The following PSD3 variants were observed in gnomAD, a reference collection of about 807,000 sequenced individuals.
PSD3 encodes the protein pleckstrin and Sec7 domain containing 3.
Under a neutral mutation model 105.5 loss-of-function variants are expected in PSD3, and 49 were observed. The ratio of observed to expected loss-of-function variants is 0.46; its 90% CI spans 0.37 to 0.59. The LOEUF is 0.59. PSD3 is among the 20% of genes least tolerant of loss of function. The pLI, the probability that PSD3 is intolerant of heterozygous loss-of-function variation, is 0.00. For synonymous variants in PSD3, 557 were observed against 457.8 expected, an observed-to-expected ratio of 1.22 and a Z score of -2.77; for missense variants, 1,561 against 1,263.8, an observed-to-expected ratio of 1.24 and a Z score of -3.57.
chr8:19,074,286 G>C (rs4921986), intron 1 of PSD3, among the ~76,000 whole-genome samples: 112,357 of 151,858 alleles, frequency 0.74, 44,030 homozygotes, highest in East Asian at 0.86. Flanking sequence ...ACGTCTTGCA[G>C]GGTGGCCTTA....
At chr8:19,075,355 G>C (rs1422562231) in intron 1 of PSD3, among the ~76,000 whole-genome samples, 1 of 152,160 alleles carries the variant, frequency 6.6e-6, no homozygotes. Flanking sequence ...CTCCCACCTT[G>C]GCCTCCCAAA....
At chr8:18,800,024 T>C (rs760189393) in intron 7 of PSD3, among the ~76,000 whole-genome samples, 20 of 152,212 alleles carry the variant, frequency 1.3e-4, no homozygotes, top group Non-Finnish European at 1.6e-4. Flanking sequence ...TGTCTCTAAA[T>C]AGACACTACC....
intron 1 of PSD3, among the ~76,000 whole-genome samples, chr8:18,997,407 C>T (rs191038079): frequency 3.2e-4 from 48 of 151,958 alleles, no homozygotes; most frequent in South Asian, 1.7e-3. Context: ...CAAAACATAC[C>T]ATGGTGGTCC....
At chr8:19,035,294 G>A (rs1827903310) in intron 1 of PSD3, among the ~76,000 whole-genome samples, 2 of 152,056 alleles carry the variant, frequency 1.3e-5, no homozygotes, top group Admixed American at 1.3e-4. Context: ...AACCATTTCT[G>A]TGTATCTCTA....
At chr8:18,558,839 A>C (rs1052779015) in intron 14 of PSD3, among the ~76,000 whole-genome samples, 2 of 152,042 alleles carry the variant, frequency 1.3e-5, no homozygotes, top group African/African-American at 2.4e-5. Context: ...AAAACAAAAC[A>C]AAACCAGAAG....
intron 1 of PSD3, among the ~76,000 whole-genome samples, chr8:18,960,992 G>A (rs1204462746): frequency 6.6e-6 from 1 of 152,022 alleles, no homozygotes; most frequent in African/African-American, 2.4e-5. Flanking sequence ...AGGCTGAGGT[G>A]GGAGGATCTA....
intron 9 of PSD3, among the ~76,000 whole-genome samples, chr8:18,715,538 G>C (rs981595674): frequency 6.6e-6 from 1 of 152,068 alleles, no homozygotes; most frequent in African/African-American, 2.4e-5. Context: ...TTTTAAAATG[G>C]AATGTTTTTC....
chr8:18,552,572 C>T (rs568627076), intron 15 of PSD3, among the ~76,000 whole-genome samples: 11 of 152,138 alleles, frequency 7.2e-5, no homozygotes, highest in Admixed American at 3.3e-4. Flanking sequence ...CACAAAACAT[C>T]GATCTGCCCC....
At chr8:18,552,127 C>T (rs1205450531) in intron 15 of PSD3, among the ~76,000 whole-genome samples, 2 of 152,156 alleles carry the variant, frequency 1.3e-5, no homozygotes, top group African/African-American at 4.8e-5. Context: ...ATTGGCATTG[C>T]GTCGGCTGGT....
At chr8:19,047,638 G>T (rs1828370496) in intron 1 of PSD3, among the ~76,000 whole-genome samples, 1 of 152,110 alleles carries the variant, frequency 6.6e-6, no homozygotes, top group Admixed American at 6.6e-5. Flanking sequence ...CAGGGACCAG[G>T]TTTCTCTGTT....
intron 9 of PSD3, among the ~76,000 whole-genome samples, chr8:18,698,900 T>C (rs551737363): frequency 1.3e-5 from 2 of 152,224 alleles, no homozygotes; most frequent in Non-Finnish European, 2.9e-5. Flanking sequence ...CTAGAAAATA[T>C]GTAGAAACAC....
chr8:18,674,909 G>A (rs922361360), intron 9 of PSD3, among the ~76,000 whole-genome samples: 1 of 152,086 alleles, frequency 6.6e-6, no homozygotes, highest in African/African-American at 2.4e-5. Flanking sequence ...GTGGAGGCAT[G>A]AGGATTATAT....
At chr8:18,961,149 T>C (rs1397898810) in intron 1 of PSD3, among the ~76,000 whole-genome samples, 2 of 152,032 alleles carry the variant, frequency 1.3e-5, no homozygotes, top group Non-Finnish European at 2.9e-5. Flanking sequence ...ACTAGACAGT[T>C]TACTACTCTA....
intron 7 of PSD3, among the ~76,000 whole-genome samples, chr8:18,799,735 G>A (rs893387175): frequency 6.6e-6 from 1 of 152,120 alleles, no homozygotes; most frequent in South Asian, 2.1e-4. Context: ...AAGTAAATAT[G>A]AGCCTCCAAA....
At chr8:19,029,139 C>T (rs1247331205) in intron 1 of PSD3, among the ~76,000 whole-genome samples, 1 of 152,104 alleles carries the variant, frequency 6.6e-6, no homozygotes, top group Non-Finnish European at 1.5e-5. Context: ...TTTGACTCCT[C>T]TAGGTTCTTT....
chr8:18,612,662 A>C (rs1805355688), intron 11 of PSD3, among the ~76,000 whole-genome samples: 1 of 152,124 alleles, frequency 6.6e-6, no homozygotes, highest in Admixed American at 6.5e-5. Flanking sequence ...GAGCCACCGC[A>C]CACGGCCTAC....
At chr8:18,765,119 G>A (rs1169961763) in intron 9 of PSD3, among the ~76,000 whole-genome samples, 3 of 152,116 alleles carry the variant, frequency 2.0e-5, no homozygotes, top group Non-Finnish European at 4.4e-5. Flanking sequence ...CTCTGTTTCC[G>A]TAGTGCATAT....
chr8:18,663,959 T>C (rs1359434766), intron 9 of PSD3, among the ~76,000 whole-genome samples: 1 of 152,246 alleles, frequency 6.6e-6, no homozygotes, highest in Admixed American at 6.5e-5. Flanking sequence ...TTTGCTATGG[T>C]AATCAGTGAT....
chr8:18,570,843 CTATTATTATTAT>C (rs57603961), intron 14 of PSD3, among the ~76,000 whole-genome samples: 13 of 117,422 alleles, frequency 1.1e-4, no homozygotes, highest in Non-Finnish European at 1.7e-4. Flanking sequence ...CTGCTTAAAA[CTATTATTATTAT>C]TATTATTATT....
Sources: gnomAD v4.1 joint callset for allele counts (sites outside exome capture counted in the v4.1 genomes callset) on GRCh38, gnomAD v4.1.1 for gene constraint, MANE v1.5 for transcripts, NCBI Gene and HGNC (gene_info 2026-07-23, HGNC 2026-07-21) for gene names.